SYT1: variants seen among roughly 807,000 people sequenced by gnomAD.
The protein encoded by SYT1 is synaptotagmin-1.
A neutral mutation model predicts 44.8 loss-of-function variants in SYT1; 8 were observed. The observed-to-expected ratio is 0.18, with a 90% CI of 0.10 to 0.32. SYT1 has a LOEUF of 0.32. SYT1 is among the 10% of genes least tolerant of loss of function. The probability of loss-of-function intolerance (pLI) is 1.00; values close to 1 mark genes in which losing one functional copy is unlikely to be tolerated. For synonymous variants in SYT1, 154 were observed against 188.8 expected, an observed-to-expected ratio of 0.82 and a Z score of 1.51; for missense variants, 286 against 509.3, an observed-to-expected ratio of 0.56 and a Z score of 4.22.
chr12:78,967,925 G>A (rs1002513197), intron 1 of SYT1, among the ~76,000 whole-genome samples: 19 of 152,196 alleles, frequency 1.2e-4, no homozygotes, highest in African/African-American at 4.6e-4. Flanking sequence ...GAAACAAAGA[G>A]TGAAAAGAAG....
At chr12:78,894,329 TG>T (rs1875226738) in intron 1 of SYT1, among the ~76,000 whole-genome samples, 1 of 89,362 alleles carries the variant, frequency 1.1e-5, no homozygotes, top group Admixed American at 1.4e-4. Context: ...TTTTTTAATC[TG>T]TTTTTTTTTT....
At chr12:79,122,380 A>G (rs867944567) in intron 3 of SYT1, among the ~76,000 whole-genome samples, 13 of 149,894 alleles carry the variant, frequency 8.7e-5, no homozygotes, top group East Asian at 5.9e-4. Context: ...CGGGCGTGGT[A>G]GCGGGCGCCT....
At chr12:79,028,711 C>G (rs1872668629) in intron 2 of SYT1, among the ~76,000 whole-genome samples, 1 of 151,224 alleles carries the variant, frequency 6.6e-6, no homozygotes, top group Non-Finnish European at 1.5e-5. Context: ...CTAAAATGTG[C>G]CTGTTTTTCT....
rs368368553 is a variant in SYT1, at chr12:78,894,660, G to A, written c.-217+29551G>A. Among the ~76,000 whole-genome samples, 53 of 151,610 alleles carry A rather than the reference G, an allele frequency of 3.5e-4. 1 individual carries two copies. In the East Asian group the frequency reaches 9.0e-3, roughly 26 times the overall value. The stretch of plus-strand genomic sequence containing the variant: ...GTTCTTACAATTACGGCTATTTAAA[G>A]CCAGGCACAGAAAGCCAAATATCTG... On this transcript the variant is annotated intron_variant, in intron 1 of 10. Transcript: ENST00000261205.
At chr12:78,977,735 C>T (rs1868952493) in intron 1 of SYT1, 64 bp from the exon 2 acceptor site, 1 of 152,104 alleles carries the variant, frequency 6.6e-6, no homozygotes, top group Non-Finnish European at 1.5e-5. Context: ...AAGTCTATAC[C>T]CAGTCAGTGT....
At chr12:78,942,526 T>A (rs1409335647) in intron 1 of SYT1, among the ~76,000 whole-genome samples, 2 of 152,272 alleles carry the variant, frequency 1.3e-5, no homozygotes, top group East Asian at 3.9e-4. Flanking sequence ...GACCTTTCCA[T>A]GTCAAAGCGT....
chr12:79,334,605 C>G (rs1262531412), intron 8 of SYT1, among the ~76,000 whole-genome samples: 3 of 152,200 alleles, frequency 2.0e-5, no homozygotes, highest in Non-Finnish European at 2.9e-5. Flanking sequence ...CAATCGAGAA[C>G]ATGCACGCAT....
chr12:79,276,005 A>G (rs1236913668), intron 4 of SYT1, among the ~76,000 whole-genome samples: 3 of 152,218 alleles, frequency 2.0e-5, no homozygotes, highest in Non-Finnish European at 4.4e-5. Flanking sequence ...GAAAGCACCC[A>G]GAGCCAAAGC....
At chr12:78,967,643 T>C (rs1231211497) in intron 1 of SYT1, among the ~76,000 whole-genome samples, 3 of 152,140 alleles carry the variant, frequency 2.0e-5, no homozygotes, top group Non-Finnish European at 4.4e-5. Context: ...GTTTGTGGGT[T>C]TAATATACCA....
At chr12:79,332,329 C>A (rs1881891755) in intron 8 of SYT1, among the ~76,000 whole-genome samples, 2 of 152,144 alleles carry the variant, frequency 1.3e-5, no homozygotes, top group Admixed American at 1.3e-4. Context: ...TAATGATGTT[C>A]TGATTTTCTT....
rs371433413 is a variant in SYT1 at position 79,211,021 on chromosome 12, T to C, written c.-17-6482T>C. 4.6e-5 allele frequency among the ~76,000 whole-genome samples: 7 copies of C among 151,888 alleles called. 1 individual carries two copies. Among genetic ancestry groups the C allele is most frequent in the Admixed American group, 3.3e-4 (5 of 15,242 alleles). ...TTCTCCAGAATAAAAGTTTTAAAGATTTTTTTTCTTTTTGTAATTTAAAAT... is the reference window on the plus strand; with the variant it reads ...TTCTCCAGAATAAAAGTTTTAAAGACTTTTTTTCTTTTTGTAATTTAAAAT... On this transcript the variant is annotated intron_variant, in intron 3 of 10. Coordinates refer to ENST00000261205, the MANE Select transcript of SYT1 (RefSeq NM_005639.3).
intron 3 of SYT1, among the ~76,000 whole-genome samples, chr12:79,089,566 G>T (rs533564657): frequency 6.6e-6 from 1 of 150,560 alleles, no homozygotes; most frequent in South Asian, 2.1e-4. Context: ...GAAATAACAG[G>T]CTCCATTGGT....
rs538309178 is a variant in SYT1 at position 79,354,696 on chromosome 12, G to A, written c.928+1077G>A. The stretch of plus-strand genomic sequence containing the variant: ...CTTGCTGTTTTTATTGTGCCTAGCA[G>A]TGTAACACAGCAAATTTGAAGCAAA... On this transcript the variant is annotated intron_variant, in intron 9 of 10. Coordinates refer to ENST00000261205, the MANE Select transcript of SYT1 (RefSeq NM_005639.3). Among the ~76,000 whole-genome samples, 61 of 152,284 alleles carry A rather than the reference G, an allele frequency of 4.0e-4. No homozygotes were observed. The South Asian group carries it at 0.012, about 31-fold the overall frequency.
chr12:79,071,212 T>C (rs1021608719), intron 3 of SYT1, among the ~76,000 whole-genome samples: 1 of 152,186 alleles, frequency 6.6e-6, no homozygotes, highest in Non-Finnish European at 1.5e-5. Flanking sequence ...AGTATATTAT[T>C]GGCTGGAAGT....
chr12:78,990,152 A>G (rs1307118918), intron 2 of SYT1, among the ~76,000 whole-genome samples: 5 of 152,106 alleles, frequency 3.3e-5, no homozygotes, highest in Non-Finnish European at 7.4e-5. Flanking sequence ...GTGCACCTGA[A>G]TGTCTTAGAT....
At chr12:79,035,161 C>G (rs994371309) in intron 2 of SYT1, among the ~76,000 whole-genome samples, 1 of 151,632 alleles carries the variant, frequency 6.6e-6, no homozygotes, top group South Asian at 2.1e-4. Context: ...TCACGCCGAA[C>G]CCCAACATAC....
intron 1 of SYT1, among the ~76,000 whole-genome samples, chr12:78,915,674 A>G (rs1876610988): frequency 6.6e-6 from 1 of 152,020 alleles, no homozygotes; most frequent in Non-Finnish European, 1.5e-5. Context: ...AATTTGTCTG[A>G]ATAAGCTTAC....
intron 1 of SYT1, among the ~76,000 whole-genome samples, chr12:78,871,068 A>AAT (rs753715697): frequency 2.0e-5 from 3 of 152,070 alleles, no homozygotes; most frequent in Non-Finnish European, 4.4e-5. Flanking sequence ...GTATTTTTTT[A>AAT]ACTTAACACC....
At chr12:78,957,259 A>C (rs1249363458) in intron 1 of SYT1, among the ~76,000 whole-genome samples, 1 of 152,160 alleles carries the variant, frequency 6.6e-6, no homozygotes, top group African/African-American at 2.4e-5. Context: ...GCTTGAGTCC[A>C]GTTGTTCAAA....
Sources: gnomAD v4.1 joint callset for allele counts (sites outside exome capture counted in the v4.1 genomes callset) on GRCh38, gnomAD v4.1.1 for gene constraint, MANE v1.5 for transcripts, NCBI Gene and HGNC (gene_info 2026-07-23, HGNC 2026-07-21) for gene names.